ST6GALNAC5: variants seen among roughly 807,000 people sequenced by gnomAD.
ST6GALNAC5 encodes the protein alpha-N-acetylgalactosaminide alpha-2,6-sialyltransferase 5.
A neutral mutation model predicts 33.6 loss-of-function variants in ST6GALNAC5; 27 were observed. The ratio of observed to expected loss-of-function variants is 0.80; its 90% CI spans 0.59 to 1.11. The LOEUF (loss-of-function observed/expected upper bound fraction) is 1.11, where lower values mean the gene tolerates loss of function less well. Ranked by LOEUF, ST6GALNAC5 falls within the 50% of genes least tolerant of loss-of-function variation. ST6GALNAC5 has a pLI of 0.00. For synonymous variants in ST6GALNAC5, 194 were observed against 171.2 expected, an observed-to-expected ratio of 1.13 and a Z score of -1.04; for missense variants, 428 against 454.0, an observed-to-expected ratio of 0.94 and a Z score of 0.52.
At chr1:76,869,646 C>T (rs1250778175) in intron 2 of ST6GALNAC5, among the ~76,000 whole-genome samples, 1 of 151,998 alleles carries the variant, frequency 6.6e-6, no homozygotes, top group Non-Finnish European at 1.5e-5. Context: ...GGTTGTGAAC[C>T]GAAGTAATAT....
intron 2 of ST6GALNAC5, among the ~76,000 whole-genome samples, chr1:76,944,643 C>A (rs1483824958): frequency 6.6e-6 from 1 of 152,062 alleles, no homozygotes; most frequent in African/African-American, 2.4e-5. Flanking sequence ...GAAGAATGAG[C>A]CTTCCAGACG....
intron 2 of ST6GALNAC5, among the ~76,000 whole-genome samples, chr1:76,984,507 A>G (rs981731051): frequency 6.6e-6 from 1 of 152,234 alleles, no homozygotes; most frequent in South Asian, 2.1e-4. Context: ...AGGCTCTGAA[A>G]TTGAGGCAAT....
At chr1:76,984,531 C>T (rs1386938330) in intron 2 of ST6GALNAC5, among the ~76,000 whole-genome samples, 2 of 152,016 alleles carry the variant, frequency 1.3e-5, no homozygotes, top group Non-Finnish European at 2.9e-5. Flanking sequence ...TAATAGCCTA[C>T]CAAAGAAAAA....
intron 2 of ST6GALNAC5, among the ~76,000 whole-genome samples, chr1:76,875,473 G>T (rs1412727283): frequency 1.3e-5 from 2 of 152,168 alleles, no homozygotes; most frequent in East Asian, 3.8e-4. Flanking sequence ...AGTCACCCCA[G>T]CCAACACTGT....
intron 2 of ST6GALNAC5, chr1:76,869,100 A>C: frequency 4.4e-6 from 1 of 226,678 alleles, no homozygotes; most frequent in Non-Finnish European, 8.5e-6. Flanking sequence ...GTGGGAGGAA[A>C]CTGGGGTTGG....
At chr1:76,892,392 A>C (rs887474148) in intron 2 of ST6GALNAC5, among the ~76,000 whole-genome samples, 2 of 152,184 alleles carry the variant, frequency 1.3e-5, no homozygotes, top group African/African-American at 4.8e-5. Flanking sequence ...CTTTAGTCAC[A>C]GTGATTTTCC....
chr1:77,018,523 G>A (rs1415778603), intron 2 of ST6GALNAC5, among the ~76,000 whole-genome samples: 1 of 152,134 alleles, frequency 6.6e-6, no homozygotes, highest in African/African-American at 2.4e-5. Flanking sequence ...CAGCCAGGAG[G>A]AGGCAGATCA....
At chr1:77,012,978 G>A (rs1243524943) in intron 2 of ST6GALNAC5, among the ~76,000 whole-genome samples, 2 of 152,110 alleles carry the variant, frequency 1.3e-5, no homozygotes, top group Non-Finnish European at 2.9e-5. Flanking sequence ...AAAGTCAAGT[G>A]CAAAAAAGCC....
chr1:76,903,467 T>C (rs1646836928), intron 2 of ST6GALNAC5, among the ~76,000 whole-genome samples: 1 of 152,178 alleles, frequency 6.6e-6, no homozygotes, highest in African/African-American at 2.4e-5. Context: ...CTTTGGAAAA[T>C]GGACTGGCAG....
chr1:77,015,035 G>C (rs1650771128), intron 2 of ST6GALNAC5, among the ~76,000 whole-genome samples: 1 of 141,080 alleles, frequency 7.1e-6, no homozygotes, highest in South Asian at 2.3e-4. Context: ...AGAAACAATA[G>C]GACACTCGCA....
intron 2 of ST6GALNAC5, among the ~76,000 whole-genome samples, chr1:76,907,707 A>G (rs1224439622): frequency 1.3e-5 from 2 of 152,096 alleles, no homozygotes; most frequent in Non-Finnish European, 2.9e-5. Context: ...TGTTTCATTG[A>G]CATGAGTTTT....
At chr1:76,954,696 C>T (rs1035105179) in intron 2 of ST6GALNAC5, among the ~76,000 whole-genome samples, 3 of 152,060 alleles carry the variant, frequency 2.0e-5, no homozygotes, top group African/African-American at 7.2e-5. Context: ...AGGGAGGAAG[C>T]AGGAATGGGA....
At chr1:76,906,976 T>C (rs534790182) in intron 2 of ST6GALNAC5, among the ~76,000 whole-genome samples, 58 of 152,158 alleles carry the variant, frequency 3.8e-4, no homozygotes, top group Admixed American at 1.4e-3. Flanking sequence ...AACCTTGGAT[T>C]CTGCCATCAC....
chr1:77,000,935 A>G (rs1650132806), intron 2 of ST6GALNAC5, among the ~76,000 whole-genome samples: 3 of 151,776 alleles, frequency 2.0e-5, no homozygotes, highest in Admixed American at 6.6e-5. Flanking sequence ...TGATGCCTCC[A>G]GCTTTGTTCT....
intron 3 of ST6GALNAC5, among the ~76,000 whole-genome samples, chr1:77,048,525 G>T (rs553670107): frequency 6.6e-6 from 1 of 152,076 alleles, no homozygotes; most frequent in Non-Finnish European, 1.5e-5. Flanking sequence ...CAGTCTCAAA[G>T]GTCTTATGAA....
At chr1:76,924,248 G>A (rs548998570) in intron 2 of ST6GALNAC5, among the ~76,000 whole-genome samples, 2 of 152,202 alleles carry the variant, frequency 1.3e-5, no homozygotes, top group South Asian at 2.1e-4. Context: ...TTTCAACTGC[G>A]AGATGTGAAA....
intron 3 of ST6GALNAC5, among the ~76,000 whole-genome samples, chr1:77,045,309 A>G (rs1371095748): frequency 1.3e-5 from 2 of 152,246 alleles, no homozygotes. Context: ...CATTATCAGC[A>G]TTCATCCCAC....
intron 2 of ST6GALNAC5, among the ~76,000 whole-genome samples, chr1:76,906,672 G>A (rs1557717597): frequency 6.6e-6 from 1 of 152,094 alleles, no homozygotes; most frequent in Non-Finnish European, 1.5e-5. Flanking sequence ...TCTTAAATAG[G>A]AAGGTGTATA....
chr1:76,903,014 C>G (rs960334856), intron 2 of ST6GALNAC5, among the ~76,000 whole-genome samples: 26 of 152,242 alleles, frequency 1.7e-4, no homozygotes, highest in South Asian at 6.2e-4. Context: ...ATTCCCAAAA[C>G]ATGAGCAACA....
Sources: gnomAD v4.1 joint callset for allele counts (sites outside exome capture counted in the v4.1 genomes callset) on GRCh38, gnomAD v4.1.1 for gene constraint, MANE v1.5 for transcripts, NCBI Gene and HGNC (gene_info 2026-07-23, HGNC 2026-07-21) for gene names.